Variants in NXPE4 observed in about 807,000 individuals in gnomAD.
NXPE4 encodes the protein NXPE family member 4.
A neutral mutation model predicts 33.3 loss-of-function variants in NXPE4; 42 were observed. That is an observed-to-expected ratio of 1.26 (90% CI 0.98 to 1.63). NXPE4 has a LOEUF of 1.63. Ranked by LOEUF, NXPE4 falls within the 40% of genes most tolerant of loss-of-function variation. The pLI, the probability that NXPE4 is intolerant of heterozygous loss-of-function variation, is 0.00. For synonymous variants in NXPE4, 253 were observed against 234.9 expected, an observed-to-expected ratio of 1.08 and a Z score of -0.71; for missense variants, 709 against 647.6, an observed-to-expected ratio of 1.09 and a Z score of -1.03.
chr11:114,607,066 C>G, the NXPE4 span, among the ~76,000 whole-genome samples: 5 of 151,920 alleles, frequency 3.3e-5, no homozygotes, highest in Admixed American at 3.3e-4. Context: ...TGGGTAACCA[C>G]TGTTACCCTG....
chr11:114,571,585 T>A, intron 5 of NXPE4, 112 bp from the exon 6 acceptor site: 1 of 1,001,782 alleles, frequency 1.0e-6, no homozygotes, highest in Non-Finnish European at 1.5e-6. Flanking sequence ...TAATCATGTC[T>A]AATTTATTAT....
chr11:114,631,539 G>C, the NXPE4 span, among the ~76,000 whole-genome samples: 2 of 113,912 alleles, frequency 1.8e-5, no homozygotes, highest in Admixed American at 1.1e-4. Flanking sequence ...GGGGGGAGGG[G>C]GGAGGGATAG....
chr11:114,633,277 T>C, the NXPE4 span, among the ~76,000 whole-genome samples: 3 of 135,896 alleles, frequency 2.2e-5, no homozygotes, highest in African/African-American at 5.7e-5. Flanking sequence ...TATAGTATTA[T>C]GTTATATTAT....
chr11:114,605,585 G>A, the NXPE4 span, among the ~76,000 whole-genome samples: 190 of 151,782 alleles, frequency 1.3e-3, no homozygotes, highest in African/African-American at 4.3e-3. Flanking sequence ...AATAAGTATT[G>A]CCTCGTCGGT....
At chr11:114,615,274 G>A in the NXPE4 span, among the ~76,000 whole-genome samples, 2 of 151,896 alleles carry the variant, frequency 1.3e-5, no homozygotes, top group African/African-American at 2.4e-5. Flanking sequence ...TTCCTTGTGG[G>A]TATCCACTGT....
chr11:114,586,096 T>A (rs918183287), intron 2 of NXPE4, among the ~76,000 whole-genome samples: 3 of 152,172 alleles, frequency 2.0e-5, no homozygotes, highest in Non-Finnish European at 4.4e-5. Flanking sequence ...GGGTGACCAA[T>A]CTTTTTTGCC....
chr11:114,640,092 T>C, the NXPE4 span, among the ~76,000 whole-genome samples: 4 of 93,022 alleles, frequency 4.3e-5, no homozygotes, highest in Admixed American at 3.8e-4. Context: ...TAATGTAATA[T>C]AATATATGAT....
At chr11:114,621,517 G>C in the NXPE4 span, among the ~76,000 whole-genome samples, 10 of 151,812 alleles carry the variant, frequency 6.6e-5, no homozygotes, top group Non-Finnish European at 1.3e-4. Context: ...GTATTGCCTC[G>C]TGTGTAACCA....
chr11:114,577,027 A>G (rs920833842), intron 5 of NXPE4, among the ~76,000 whole-genome samples: 1 of 24,470 alleles, frequency 4.1e-5, no homozygotes, highest in African/African-American at 2.9e-4. Flanking sequence ...ATATATATAT[A>G]CATATATATA....
the NXPE4 span, among the ~76,000 whole-genome samples, chr11:114,633,048 CATT>C: frequency 5.1e-3 from 524 of 103,232 alleles, 4 homozygotes; most frequent in Non-Finnish European, 6.4e-3. Flanking sequence ...TATATAATTG[CATT>C]ATTATTTTAT....
the NXPE4 span, among the ~76,000 whole-genome samples, chr11:114,664,343 C>A: frequency 3.3e-5 from 5 of 152,108 alleles, no homozygotes; most frequent in Non-Finnish European, 7.4e-5. Flanking sequence ...GGATTAGGGA[C>A]AAGGGCTGAA....
At chr11:114,662,244 G>A in the NXPE4 span, among the ~76,000 whole-genome samples, 38 of 150,768 alleles carry the variant, frequency 2.5e-4, no homozygotes, top group Middle Eastern at 3.2e-3. Flanking sequence ...GAGAGAGAGT[G>A]CACAGGAACT....
the NXPE4 span, among the ~76,000 whole-genome samples, chr11:114,629,855 C>A: frequency 6.6e-6 from 1 of 150,452 alleles, no homozygotes; most frequent in East Asian, 1.9e-4. Flanking sequence ...ACAAAAATCA[C>A]AACCATTCTT....
chr11:114,582,451 G>C lies in NXPE4; in HGVS notation c.667C>G (p.Leu223Val). Residue 223 changes from leucine (L) to valine (V), a missense_variant, in exon 3 of 6, where the codon CTA becomes GTA. Physicochemically the swap from Leu to Val is conservative, Grantham distance 32 (BLOSUM62 1). Transcript: ENST00000375478. ...TGGCACAATTCAGCATTTGTGTTTA[G>C]GATCAGGCCACATTCAGAGTGGACT... ...SQVHSECGLI[L>V]NTNAELCQYL... 4 of 1,614,174 alleles carry C rather than the reference G, an allele frequency of 2.5e-6. No individual in the cohort carries two copies. In the South Asian group the frequency reaches 4.4e-5, roughly 18 times the overall value.
At chr11:114,677,860 T>C in the NXPE4 span, among the ~76,000 whole-genome samples, 1 of 152,050 alleles carries the variant, frequency 6.6e-6, no homozygotes, top group Non-Finnish European at 1.5e-5. Context: ...GTTATGGTGG[T>C]AGCAGGGCCA....
chr11:114,636,950 G>A, the NXPE4 span, among the ~76,000 whole-genome samples: 1 of 152,144 alleles, frequency 6.6e-6, no homozygotes, highest in Admixed American at 6.5e-5. Flanking sequence ...TTGATTTGGG[G>A]TGGAGAGTTC....
chr11:114,594,439 A>G (rs912657460), intron 2 of NXPE4, among the ~76,000 whole-genome samples: 2 of 152,196 alleles, frequency 1.3e-5, no homozygotes, highest in Non-Finnish European at 2.9e-5. Flanking sequence ...AGATAGGTGC[A>G]ATGCATTTAT....
intron 2 of NXPE4, chr11:114,583,842 C>A: frequency 2.5e-6 from 1 of 393,218 alleles, no homozygotes; most frequent in South Asian, 2.1e-5. Context: ...AGGACTGTGT[C>A]CTTTCATAAA....
At chr11:114,586,812 A>G (rs1949310897) in intron 2 of NXPE4, among the ~76,000 whole-genome samples, 1 of 151,654 alleles carries the variant, frequency 6.6e-6, no homozygotes, top group Non-Finnish European at 1.5e-5. Context: ...TCTCCTATCC[A>G]CTCTCTGTAT....
Sources: gnomAD v4.1 joint callset for allele counts (sites outside exome capture counted in the v4.1 genomes callset) on GRCh38, gnomAD v4.1.1 for gene constraint, MANE v1.5 for transcripts, NCBI Gene and HGNC (gene_info 2026-07-23, HGNC 2026-07-21) for gene names.